CCDC33: variants seen among roughly 807,000 people sequenced by gnomAD.
CCDC33 encodes the protein coiled-coil domain containing 33.
CCDC33 carries 94 observed loss-of-function variants against 91.9 expected under a neutral mutation model. The observed-to-expected ratio is 1.02, with a 90% CI of 0.87 to 1.21. CCDC33 has a LOEUF of 1.21. Among genes scored for constraint, CCDC33 ranks in the 50% most tolerant of loss-of-function variants. The probability of loss-of-function intolerance (pLI) is 0.00; values close to 1 mark genes in which losing one functional copy is unlikely to be tolerated. For synonymous variants in CCDC33, 396 were observed against 374.5 expected, an observed-to-expected ratio of 1.06 and a Z score of -0.66; for missense variants, 940 against 935.5, an observed-to-expected ratio of 1.00 and a Z score of -0.06.
intron 5 of CCDC33, among the ~76,000 whole-genome samples, chr15:74,270,899 T>C (rs2076295932): frequency 1.3e-5 from 2 of 151,344 alleles, no homozygotes; most frequent in African/African-American, 4.9e-5. Context: ...AAGCCTGGAG[T>C]AGAGGAGAGG....
intron 2 of CCDC33, chr15:74,221,155 A>G: frequency 1.1e-6 from 1 of 946,760 alleles, no homozygotes; most frequent in Non-Finnish European, 1.3e-6. Flanking sequence ...GAATCTATTC[A>G]ATTCAGAACT....
chr15:74,336,123 A>G lies in CCDC33; in HGVS notation c.*70A>G. 2 of 1,582,698 alleles carry G rather than the reference A, an allele frequency of 1.3e-6. No individual in the cohort carries two copies. Among genetic ancestry groups the G allele is most frequent in the Non-Finnish European group, 1.7e-6 (2 of 1,166,448 alleles). On this transcript the variant is annotated 3_prime_UTR_variant, in exon 19 of 19. Transcript: ENST00000398814. ...ACCGCCCCCTAAAAATGACGTTATT[A>G]AATGTTGTAGCTCTGTGAGCATTTT...
rs761579761 is a variant in CCDC33 at position 74,218,698 on chromosome 15, G to A, written c.512G>A (p.Arg171Gln). Residue 171 changes from arginine to glutamine, a missense_variant, in exon 2 of 3, where the codon CGG (arginine) becomes CAG (glutamine). By Grantham distance (43) the Arg-to-Gln change is conservative. Coordinates refer to the CCDC33 transcript ENST00000635913. The surrounding 1 kb of genome is among the most constrained non-coding windows in gnomAD (Gnocchi z 4.8). ...TACTGTGGCAACCTGGCTCTGCTCC[G>A]GGCTAGCACGGACCCCACAGCCCGA... is the stretch of plus-strand genomic sequence containing the variant. 15 of 1,289,702 alleles carry A rather than the reference G, an allele frequency of 1.2e-5. No individual in the cohort carries two copies. Among genetic ancestry groups the A allele is most frequent in the Admixed American group, 6.9e-5 (3 of 43,538 alleles). 79.9% of individuals were successfully genotyped at this position (1,289,702 alleles called of 1,614,324 possible). A position where few individuals can be genotyped will look rare whatever the true frequency, so the allele number is the denominator to read the frequency against.
At chr15:74,223,728 A>C (rs2074683194) in intron 2 of CCDC33, among the ~76,000 whole-genome samples, 1 of 68,338 alleles carries the variant, frequency 1.5e-5, no homozygotes, top group African/African-American at 6.1e-5. Flanking sequence ...CAGCATACAC[A>C]CACACACACA....
upstream of CCDC33, among the ~76,000 whole-genome samples, chr15:74,232,912 G>A (rs796311638): frequency 1.1e-4 from 16 of 152,228 alleles, no homozygotes; most frequent in African/African-American, 3.6e-4. Flanking sequence ...CTCCACCAGC[G>A]CTTGAGCCTT....
In CCDC33 at chr15:74,273,498, C is replaced by T. The variant is rs186980778; in HGVS notation, c.759+607C>T. Among the ~76,000 whole-genome samples, 121 of 152,278 alleles carry T rather than the reference C, an allele frequency of 7.9e-4. 1 individual carries two copies. Among genetic ancestry groups the T allele is most frequent in the African/African-American group, 2.8e-3 (115 of 41,548 alleles). ...AAAAATTTTTTTTGAGACAGAGCCTCGCTCTTGTCTCCCAGGCTGGAGTGC... is the reference window on the plus strand; with the variant it reads ...AAAAATTTTTTTTGAGACAGAGCCTTGCTCTTGTCTCCCAGGCTGGAGTGC... On this transcript the variant is annotated intron_variant, in intron 7 of 18. Coordinates refer to ENST00000398814, the MANE Select transcript of CCDC33 (RefSeq NM_025055.5).
At chr15:74,268,785 G>A (rs765846235) in intron 5 of CCDC33, among the ~76,000 whole-genome samples, 3 of 152,168 alleles carry the variant, frequency 2.0e-5, no homozygotes, top group South Asian at 2.1e-4. Flanking sequence ...CTGTCTCCCC[G>A]AATCTTATGC....
chr15:74,290,849 G>A (rs1408830146), intron 10 of CCDC33, among the ~76,000 whole-genome samples: 1 of 152,158 alleles, frequency 6.6e-6, no homozygotes, highest in Non-Finnish European at 1.5e-5. Flanking sequence ...CATCTGTGTT[G>A]GAAAGGTCTG....
At chr15:74,286,772 G>T (rs2059483347) in intron 10 of CCDC33, among the ~76,000 whole-genome samples, 1 of 152,180 alleles carries the variant, frequency 6.6e-6, no homozygotes, top group Non-Finnish European at 1.5e-5. Flanking sequence ...CCACAGACAT[G>T]CTGGGATGAC....
Position 74,294,991 on chromosome 15 carries a change from A to G in CCDC33, c.1096-763A>G, listed in dbSNP as rs189616255. 3.3e-5 allele frequency among the ~76,000 whole-genome samples: 5 copies of G among 152,326 alleles called. No homozygotes were observed. The East Asian group carries it at 9.6e-4, about 29-fold the overall frequency. ...CGGGAAAAGAACATGGAGGGAGACGAAGGCTCATCAGAATATACAGAGAGG... is the reference window on the plus strand; with the variant it reads ...CGGGAAAAGAACATGGAGGGAGACGGAGGCTCATCAGAATATACAGAGAGG... On this transcript the variant is annotated intron_variant, in intron 10 of 18. Coordinates refer to ENST00000398814, the MANE Select transcript of CCDC33 (RefSeq NM_025055.5).
intron 17 of CCDC33, 132 bp from the exon 18 acceptor site, chr15:74,334,843 A>G: frequency 1.3e-6 from 1 of 756,020 alleles, no homozygotes; most frequent in South Asian, 1.6e-5. Context: ...AGGTCTCGGG[A>G]AGGTGTCAAG....
chr15:74,334,197 G>A (rs546232140), intron 17 of CCDC33, among the ~76,000 whole-genome samples: 10 of 151,938 alleles, frequency 6.6e-5, no homozygotes, highest in African/African-American at 2.2e-4. Flanking sequence ...CAGGGTTAGA[G>A]TTCAGTGTGT....
chr15:74,208,962 T>A (rs540766485), intron 1 of CCDC33: 1 of 1,002,848 alleles, frequency 1.0e-6, no homozygotes, highest in African/African-American at 1.7e-5. Flanking sequence ...GAGGGGTGGC[T>A]GGTTGTGTGG....
chr15:74,311,815 T>C (rs2059998934), intron 11 of CCDC33: 1 of 152,182 alleles, frequency 6.6e-6, no homozygotes, highest in African/African-American at 2.4e-5. Flanking sequence ...AGTTTGGTCA[T>C]TTTTGTGGTT....
chr15:74,232,670 G>T (rs1440940821), upstream of CCDC33, among the ~76,000 whole-genome samples: 1 of 152,166 alleles, frequency 6.6e-6, no homozygotes, highest in Non-Finnish European at 1.5e-5. Flanking sequence ...TGTGATCTTG[G>T]GCAAAATGTT....
At chr15:74,271,934 T>C (rs1195493243) in intron 6 of CCDC33, 140 bp downstream of exon 6, 14 of 666,794 alleles carry the variant, frequency 2.1e-5, no homozygotes, top group African/African-American at 1.8e-4. Context: ...AGCCTCTCCA[T>C]TGGGTCTGAG....
chr15:74,321,759 C>T (rs768330353), intron 11 of CCDC33, among the ~76,000 whole-genome samples: 3 of 152,186 alleles, frequency 2.0e-5, no homozygotes, highest in Non-Finnish European at 4.4e-5. Flanking sequence ...CAAGAGAGAC[C>T]TCTCTGACAT....
intron 2 of CCDC33, among the ~76,000 whole-genome samples, chr15:74,223,954 C>T (rs1321672219): frequency 6.6e-6 from 1 of 152,192 alleles, no homozygotes; most frequent in Non-Finnish European, 1.5e-5. Context: ...TCCCCCTTCT[C>T]CTCCTTTGAC....
chr15:74,268,135 G>C (rs921120958), intron 4 of CCDC33, among the ~76,000 whole-genome samples: 10 of 152,214 alleles, frequency 6.6e-5, no homozygotes, highest in African/African-American at 1.2e-4. Context: ...CCTTGTGAGG[G>C]TGATGAAATA....
Sources: allele counts gnomAD v4.1 joint callset (sites outside exome capture counted in the v4.1 genomes callset), GRCh38; gene constraint gnomAD v4.1.1; non-coding constraint Gnocchi (gnomAD v3.1); transcripts MANE v1.5; gene names NCBI Gene and HGNC (gene_info 2026-07-23, HGNC 2026-07-21).